The following ADAMTSL1 variants were observed in gnomAD, a reference collection of about 807,000 sequenced individuals.
ADAMTSL1 encodes ADAMTS like 1, also known as ADAMTS-like protein 1.
Under a neutral mutation model 201.8 loss-of-function variants are expected in ADAMTSL1, and 126 were observed. The observed-to-expected ratio is 0.62, with a 90% CI of 0.54 to 0.72. ADAMTSL1 has a LOEUF of 0.72. Ranked by LOEUF, ADAMTSL1 falls within the 30% of genes least tolerant of loss-of-function variation. The probability of loss-of-function intolerance (pLI) is 0.00; values close to 1 mark genes in which losing one functional copy is unlikely to be tolerated. For missense variants in ADAMTSL1, 2,679 were observed against 2,277.8 expected (o/e 1.18, Z -3.59); for synonymous variants, 1,121 against 903.4 (o/e 1.24, Z -4.32).
In ADAMTSL1 at chr9:18,589,719, C is replaced by G. The variant is rs563203757; in HGVS notation, c.474+15453C>G. 2.2e-4 allele frequency among the ~76,000 whole-genome samples: 33 copies of G among 152,156 alleles called. No individual in the cohort carries two copies. In the South Asian group the frequency reaches 6.6e-3, roughly 31 times the overall value. On this transcript the variant is annotated intron_variant, in intron 4 of 28. Transcript: ENST00000380548. ...TAGCTGTGTGCTTGTCATTTATGACCTTTGTCATGTAGAGGTAATTTCCTT... is the reference window on the plus strand; with the variant it reads ...TAGCTGTGTGCTTGTCATTTATGACGTTTGTCATGTAGAGGTAATTTCCTT...
At position 18,490,735 on chromosome 9, in the gene ADAMTSL1, G is replaced by A. The variant is rs568114422; in HGVS notation, c.64-14094G>A. The stretch of plus-strand genomic sequence containing the variant: ...CAGGGGAGAACTCGCTGCCAAAGAA[G>A]CCAGGGGAGCATATTCCGCAGCAAG... On this transcript the variant is annotated intron_variant, in intron 1 of 28. Coordinates refer to ENST00000380548, the MANE Select transcript of ADAMTSL1 (RefSeq NM_001040272.6). Among the ~76,000 whole-genome samples, 10 of 152,292 alleles carry A rather than the reference G, an allele frequency of 6.6e-5. No homozygotes were observed. The South Asian group carries it at 2.1e-3, about 32-fold the overall frequency.
chr9:18,149,485 T>A (rs545458020), intron 1 of ADAMTSL1, among the ~76,000 whole-genome samples: 31 of 152,120 alleles, frequency 2.0e-4, no homozygotes, highest in African/African-American at 7.5e-4. Context: ...GTGGTACAAT[T>A]TAGTACCACT....
intron 2 of ADAMTSL1, among the ~76,000 whole-genome samples, chr9:18,423,742 T>G (rs1819068169): frequency 6.6e-6 from 1 of 152,216 alleles, no homozygotes; most frequent in Non-Finnish European, 1.5e-5. Context: ...GATTGGGTGT[T>G]GAAGCCAAAT....
chr9:18,080,409 A>T (rs1823444051), intron 1 of ADAMTSL1, among the ~76,000 whole-genome samples: 1 of 152,210 alleles, frequency 6.6e-6, no homozygotes, highest in South Asian at 2.1e-4. Context: ...ATCTTAAGAT[A>T]GCATTGTGCA....
At chr9:18,419,867 C>T (rs1278659869) in intron 2 of ADAMTSL1, among the ~76,000 whole-genome samples, 1 of 151,564 alleles carries the variant, frequency 6.6e-6, no homozygotes, top group East Asian at 1.9e-4. Flanking sequence ...GTAGCTGGGA[C>T]TACAGGCGCA....
intron 2 of ADAMTSL1, among the ~76,000 whole-genome samples, chr9:18,207,262 GAAT>G (rs1279336115): frequency 6.6e-6 from 1 of 152,066 alleles, no homozygotes; most frequent in African/African-American, 2.4e-5. Context: ...AAGAAGAAAA[GAAT>G]AAAAGATTAC....
At chr9:18,195,414 C>G (rs899028786) in intron 2 of ADAMTSL1, among the ~76,000 whole-genome samples, 3 of 152,080 alleles carry the variant, frequency 2.0e-5, no homozygotes, top group South Asian at 2.1e-4. Context: ...TCCTAAAAGA[C>G]AGGTTATTGT....
chr9:18,363,926 A>G (rs1283159616), intron 2 of ADAMTSL1, among the ~76,000 whole-genome samples: 2 of 132,452 alleles, frequency 1.5e-5, no homozygotes, highest in Non-Finnish European at 3.2e-5. Flanking sequence ...CACTAGAAAT[A>G]GAGGAAGGAA....
In ADAMTSL1 at chr9:18,777,428, C is replaced by CT; in HGVS notation, c.3200dup (p.Pro1068AlafsTer69). 1 of 1,599,978 alleles carries CT rather than the reference C, an allele frequency of 6.3e-7. No individual in the cohort carries two copies. The highest frequency in any genetic ancestry group is 8.5e-7 in the Non-Finnish European group (1 of 1,173,772). The stretch of plus-strand genomic sequence containing the variant: ...GGGTGCAGAGCAAGTGCTCCTGCAC[C>CT]TGCCCTTCACCATGGTGACCGAGCA... On this transcript the variant is annotated frameshift_variant, in exon 19 of 29. Coordinates refer to ENST00000380548, the MANE Select transcript of ADAMTSL1 (RefSeq NM_001040272.6). LOFTEE classifies it high-confidence loss of function.
At chr9:17,922,706 G>T (rs749205507) in intron 1 of ADAMTSL1, among the ~76,000 whole-genome samples, 85 of 138,750 alleles carry the variant, frequency 6.1e-4, no homozygotes, top group Non-Finnish European at 1.1e-3. Context: ...AGTGAACCAC[G>T]CATCTCATAA....
At chr9:18,130,762 T>C (rs1825918028) in intron 1 of ADAMTSL1, among the ~76,000 whole-genome samples, 1 of 152,126 alleles carries the variant, frequency 6.6e-6, no homozygotes, top group African/African-American at 2.4e-5. Flanking sequence ...AACAGACTGT[T>C]GCCTCCTCCA....
At chr9:18,889,520 G>A in intron 24 of ADAMTSL1, 48 bp from the exon 25 acceptor site, 1 of 1,591,800 alleles carries the variant, frequency 6.3e-7, no homozygotes, top group South Asian at 1.1e-5. Context: ...TCAGAGTGTG[G>A]GCAATTATGC....
At chr9:18,687,676 G>A (rs544722213) in intron 13 of ADAMTSL1, among the ~76,000 whole-genome samples, 6 of 152,292 alleles carry the variant, frequency 3.9e-5, no homozygotes, top group East Asian at 3.9e-4. Context: ...AACCTTGTTC[G>A]ATGTTAGATA....
chr9:18,744,603 C>T (rs1340787383), intron 15 of ADAMTSL1, among the ~76,000 whole-genome samples: 1 of 152,240 alleles, frequency 6.6e-6, no homozygotes, highest in Admixed American at 6.5e-5. Flanking sequence ...CCCTGGGTTT[C>T]ACCCTTTACA....
intron 3 of ADAMTSL1, among the ~76,000 whole-genome samples, chr9:18,569,693 A>T (rs1822172979): frequency 6.6e-6 from 1 of 152,170 alleles, no homozygotes. Flanking sequence ...GGTCCATATA[A>T]CTACTAGACT....
At chr9:18,530,582 A>G (rs1002648547) in intron 2 of ADAMTSL1, among the ~76,000 whole-genome samples, 1 of 152,162 alleles carries the variant, frequency 6.6e-6, no homozygotes, top group African/African-American at 2.4e-5. Context: ...CAGGCATGCC[A>G]AATCTTCTTG....
intron 1 of ADAMTSL1, among the ~76,000 whole-genome samples, chr9:18,021,593 G>C (rs1820483652): frequency 6.6e-6 from 1 of 152,098 alleles, no homozygotes; most frequent in African/African-American, 2.4e-5. Context: ...TTTCTGTGCT[G>C]TTAGAAAACA....
chr9:17,922,083 C>A (rs1382271288), intron 1 of ADAMTSL1, among the ~76,000 whole-genome samples: 1 of 72,298 alleles, frequency 1.4e-5, no homozygotes, highest in Non-Finnish European at 2.6e-5. Context: ...GATTGCAGTT[C>A]AGGCTTTTTT....
intron 4 of ADAMTSL1, among the ~76,000 whole-genome samples, chr9:18,597,860 A>T (rs927361467): frequency 2.0e-5 from 3 of 152,092 alleles, no homozygotes; most frequent in Non-Finnish European, 2.9e-5. Flanking sequence ...GTTGCCAAAG[A>T]CTCCCTTGGA....
Sources: gnomAD v4.1 joint callset for allele counts (sites outside exome capture counted in the v4.1 genomes callset) on GRCh38, gnomAD v4.1.1 for gene constraint, MANE v1.5 for transcripts, NCBI Gene and HGNC (gene_info 2026-07-23, HGNC 2026-07-21) for gene names.